The following SORBS2 variants were observed in gnomAD, a reference collection of about 807,000 sequenced individuals.
The protein encoded by SORBS2 is sorbin and SH3 domain containing 2.
In SORBS2, 46 loss-of-function variants were observed where a neutral mutation model predicts 97.7. The ratio of observed to expected loss-of-function variants is 0.47; its 90% CI spans 0.37 to 0.60. The LOEUF (loss-of-function observed/expected upper bound fraction) is 0.60. Ranked by LOEUF, SORBS2 falls within the 20% of genes least tolerant of loss-of-function variation. The pLI is 0.00. For missense variants in SORBS2, 1,316 were observed against 1,282.3 expected, an observed-to-expected ratio of 1.03 and a Z score of -0.40; for synonymous variants, 476 against 473.4, an observed-to-expected ratio of 1.01 and a Z score of -0.07.
chr4:185,805,489 C>T (rs1169030109), intron 1 of SORBS2, among the ~76,000 whole-genome samples: 2 of 152,116 alleles, frequency 1.3e-5, no homozygotes, highest in East Asian at 1.9e-4. Context: ...CTCTCTGTTC[C>T]GGCTGCCATT....
At chr4:185,802,716 A>G (rs982136236) in intron 1 of SORBS2, among the ~76,000 whole-genome samples, 1 of 152,238 alleles carries the variant, frequency 6.6e-6, no homozygotes, top group African/African-American at 2.4e-5. Context: ...ACTGATCTGT[A>G]TATTGGGCAG....
Position 185,759,639 on chromosome 4 carries a change from T to C in SORBS2, c.-198+15588A>G, listed in dbSNP as rs138714145. Among the ~76,000 whole-genome samples, 133 of 152,224 alleles carry C rather than the reference T, an allele frequency of 8.7e-4. 1 individual carries two copies. Among genetic ancestry groups the C allele is most frequent in the Middle Eastern group, 3.4e-3 (1 of 294 alleles). On this transcript the variant is annotated intron_variant, in intron 2 of 20. Transcript: ENST00000284776. ...GGTTTTTTTTTTTTCTGTTACAGTT[T>C]TAAAAGAATGTGGAAATGGAATAAT...
chr4:185,668,415 G>A (rs2097653077), intron 4 of SORBS2, among the ~76,000 whole-genome samples: 1 of 152,228 alleles, frequency 6.6e-6, no homozygotes. Context: ...GGGTGTGTAT[G>A]TGCGTGTGTG....
At chr4:185,868,300 G>GCACC (rs1174121800) in intron 1 of SORBS2, among the ~76,000 whole-genome samples, 1 of 151,364 alleles carries the variant, frequency 6.6e-6, no homozygotes, top group Non-Finnish European at 1.5e-5. Flanking sequence ...GGGATTACAG[G>GCACC]CGTGTGCCAC....
chr4:185,767,999 A>G (rs1488727244), intron 2 of SORBS2, among the ~76,000 whole-genome samples: 1 of 152,158 alleles, frequency 6.6e-6, no homozygotes, highest in Non-Finnish European at 1.5e-5. Flanking sequence ...CCTCTTATCC[A>G]AACCAAAATC....
chr4:185,709,251 T>C (rs1458872819), intron 2 of SORBS2, among the ~76,000 whole-genome samples: 2 of 146,608 alleles, frequency 1.4e-5, no homozygotes, highest in African/African-American at 4.9e-5. Flanking sequence ...AACTCCCGCC[T>C]TGGCCTCCCA....
chr4:185,788,272 G>C (rs752861725), intron 1 of SORBS2, among the ~76,000 whole-genome samples: 11 of 152,234 alleles, frequency 7.2e-5, no homozygotes, highest in Non-Finnish European at 1.2e-4. Flanking sequence ...CATAGAGAAA[G>C]AAAAGAGATA....
At chr4:185,619,195 C>T (rs1443656395) in intron 8 of SORBS2, among the ~76,000 whole-genome samples, 1 of 152,176 alleles carries the variant, frequency 6.6e-6, no homozygotes, top group East Asian at 1.9e-4. Flanking sequence ...CTCTGTCCAC[C>T]AGCCACTCGT....
chr4:185,804,384 C>G (rs924265017), intron 1 of SORBS2, among the ~76,000 whole-genome samples: 5 of 152,216 alleles, frequency 3.3e-5, no homozygotes, highest in Admixed American at 1.3e-4. Context: ...CAAGACTGCT[C>G]TCTCGTGGAG....
chr4:185,823,871 A>G (rs1280983162), intron 1 of SORBS2, among the ~76,000 whole-genome samples: 1 of 152,202 alleles, frequency 6.6e-6, no homozygotes, highest in East Asian at 1.9e-4. Flanking sequence ...GTTCGATAAA[A>G]AGGCCAAGCA....
chr4:185,649,762 AT>A, intron 2 of SORBS2, 106 bp from the exon 12 acceptor site: 1 of 625,386 alleles, frequency 1.6e-6, no homozygotes, highest in East Asian at 3.2e-5. Flanking sequence ...TTGCATAGAA[AT>A]TATTATCAAT....
chr4:185,682,896 C>T (rs189610079), intron 2 of SORBS2, among the ~76,000 whole-genome samples: 3 of 151,790 alleles, frequency 2.0e-5, no homozygotes, highest in African/African-American at 4.8e-5. Context: ...CACCTGTAAT[C>T]GCAGCTACTC....
chr4:185,709,879 C>G (rs2098402786), intron 2 of SORBS2: 1 of 113,028 alleles, frequency 8.8e-6, no homozygotes, highest in Non-Finnish European at 2.1e-5. Context: ...TTTTTTAAGA[C>G]TAGTCAAGTG....
At chr4:185,945,998 T>C (rs535139036) in intron 1 of SORBS2, among the ~76,000 whole-genome samples, 4 of 152,210 alleles carry the variant, frequency 2.6e-5, no homozygotes, top group Non-Finnish European at 4.4e-5. Context: ...CAAGACTTTG[T>C]AATCCATGAG....
chr4:185,639,003 T>C (rs768696460), intron 4 of SORBS2: 30 of 1,521,880 alleles, frequency 2.0e-5, no homozygotes, highest in Non-Finnish European at 1.5e-5. Context: ...CAGGTTCCCT[T>C]GGAACAGGTG....
intron 1 of SORBS2, among the ~76,000 whole-genome samples, chr4:185,901,111 A>G (rs923293283): frequency 1.3e-5 from 2 of 152,176 alleles, no homozygotes; most frequent in African/African-American, 2.4e-5. Context: ...ACAAAATTCA[A>G]TTTATATCTA....
intron 1 of SORBS2, among the ~76,000 whole-genome samples, chr4:185,856,392 T>TA (rs1268965590): frequency 1.3e-5 from 2 of 152,196 alleles, no homozygotes; most frequent in African/African-American, 4.8e-5. Context: ...TAAGAATTAA[T>TA]ATGCCTACAC....
In SORBS2 at chr4:185,649,657, C is replaced by A; in HGVS notation, c.92-1G>T. The A allele has an allele frequency of 7.3e-7, 1 of 1,371,278 alleles. No homozygotes were observed. The highest frequency in any genetic ancestry group is 2.1e-5 in the South Asian group (1 of 46,574). The allele number at this position is 1,371,278 out of a possible 1,614,324, so 84.9% of individuals were successfully genotyped here. A position where few individuals can be genotyped will look rare whatever the true frequency, so the allele number is the denominator to read the frequency against. On this transcript the variant is annotated splice_acceptor_variant, in intron 2 of 14. Coordinates refer to ENST00000418609, the Ensembl canonical transcript of SORBS2. LOFTEE classifies it high-confidence loss of function. ...GCACTGTAGGGTGGGTTGTACAGAC[C>A]TATCATGACAAAAAACAAAAGCAGA...
chr4:185,891,394 T>C (rs2099242434), intron 1 of SORBS2, among the ~76,000 whole-genome samples: 1 of 152,144 alleles, frequency 6.6e-6, no homozygotes, highest in Admixed American at 6.5e-5. Context: ...GCAAAACTAA[T>C]ACAAGAACAC....
Sources: gnomAD v4.1 joint callset for allele counts (sites outside exome capture counted in the v4.1 genomes callset) on GRCh38, gnomAD v4.1.1 for gene constraint, MANE v1.5 for transcripts, NCBI Gene and HGNC (gene_info 2026-07-23, HGNC 2026-07-21) for gene names.